Variants in PLD1 observed in about 807,000 individuals in gnomAD.
The protein encoded by PLD1 is phospholipase D1, also known as choline phosphatase 1.
In PLD1, 112 loss-of-function variants were observed where a neutral mutation model predicts 137.1. The ratio of observed to expected loss-of-function variants is 0.82; its 90% confidence interval spans 0.70 to 0.96. The LOEUF (loss-of-function observed/expected upper bound fraction) is 0.96, where lower values mean the gene tolerates loss of function less well. Ranked by LOEUF, PLD1 falls within the 40% of genes least tolerant of loss-of-function variation. PLD1 has a pLI of 0.00. For synonymous variants in PLD1, 431 were observed against 454.7 expected (o/e 0.95, Z 0.66); for missense variants, 1,321 against 1,342.0 (o/e 0.98, Z 0.24).
intron 1 of PLD1, among the ~76,000 whole-genome samples, chr3:171,804,917 G>A (rs370120242): frequency 7.9e-5 from 12 of 152,300 alleles, no homozygotes; most frequent in African/African-American, 2.9e-4. Flanking sequence ...CTCTGCCAAT[G>A]CCTCGTCTCT....
chr3:171,639,516 TA>T (rs532748606), intron 23 of PLD1, among the ~76,000 whole-genome samples: 1,264 of 92,844 alleles, frequency 0.014, 10 homozygotes, highest in Non-Finnish European at 0.019. Context: ...ATAAATAATA[TA>T]TATTCATATA....
chr3:171,732,316 C>G (rs1719003907), intron 6 of PLD1, among the ~76,000 whole-genome samples: 1 of 152,200 alleles, frequency 6.6e-6, no homozygotes, highest in Admixed American at 6.5e-5. Context: ...AACCCAAATT[C>G]CTGTTTTCCT....
chr3:171,727,527 T>C (rs1718615254), intron 6 of PLD1, among the ~76,000 whole-genome samples: 2 of 152,194 alleles, frequency 1.3e-5, no homozygotes, highest in Non-Finnish European at 2.9e-5. Flanking sequence ...CCTTAGGCCA[T>C]GTCAATAGCA....
intron 19 of PLD1, among the ~76,000 whole-genome samples, chr3:171,669,832 C>A (rs1166682372): frequency 6.6e-6 from 1 of 152,122 alleles, no homozygotes; most frequent in Non-Finnish European, 1.5e-5. Context: ...CAGATACTGT[C>A]ATTTATGTTT....
intron 6 of PLD1, among the ~76,000 whole-genome samples, chr3:171,729,248 T>C (rs1377969819): frequency 3.3e-5 from 5 of 152,196 alleles, no homozygotes; most frequent in Admixed American, 2.6e-4. Context: ...TTGTAAAATA[T>C]GAATACAATT....
At chr3:171,663,256 A>C (rs1711710984) in intron 19 of PLD1, among the ~76,000 whole-genome samples, 1 of 152,066 alleles carries the variant, frequency 6.6e-6, no homozygotes, top group Non-Finnish European at 1.5e-5. Context: ...GCAGACACTC[A>C]CCTGTCCAGG....
At chr3:171,720,293 CAAA>C (rs752618596) in intron 8 of PLD1, among the ~76,000 whole-genome samples, 5 of 67,908 alleles carry the variant, frequency 7.4e-5, no homozygotes, top group African/African-American at 1.8e-4. Context: ...GACCCTGTCT[CAAA>C]AAAAAAAAAA....
Position 171,717,917 on chromosome 3 carries a change from T to C in PLD1, c.759-3872A>G, listed in dbSNP as rs145750392. Among the ~76,000 whole-genome samples the C allele has an allele frequency of 4.5e-3, 682 of 152,356 alleles. 2 individuals are homozygous for C. Among genetic ancestry groups the C allele is most frequent in the African/African-American group, 0.016 (653 of 41,582 alleles). ...GTATGTTCCTTCAATGTGTAGTTTA[T>C]TGAGGGTTGTTAAAATGAAGGATGT... On this transcript the variant is annotated intron_variant, in intron 8 of 26. Coordinates refer to ENST00000351298, the MANE Select transcript of PLD1 (RefSeq NM_002662.5).
intron 25 of PLD1, among the ~76,000 whole-genome samples, chr3:171,607,563 CTG>C (rs1195559542): frequency 3.9e-5 from 6 of 152,024 alleles, no homozygotes; most frequent in Non-Finnish European, 8.8e-5. Flanking sequence ...ATGAAGTACT[CTG>C]GATGTTCTTT....
At position 171,602,257 on chromosome 3, in the gene PLD1, T is replaced by G. The variant is rs1332433207; in HGVS notation, c.*821A>C. The G allele has an allele frequency of 6.6e-6, 1 of 152,254 alleles. No homozygotes were observed. The highest frequency in any genetic ancestry group is 2.4e-5 in the African/African-American group (1 of 41,458). The allele number at this position is 152,254 out of a possible 1,614,324, so 9.4% of individuals were successfully genotyped here. ...ACACCTTGGGGGTTTCCGAAGGCTG[T>G]GTGCTCTCAGTTTTAGCTGGTTGTT... is the stretch of plus-strand genomic sequence containing the variant. On this transcript the variant is annotated 3_prime_UTR_variant, in exon 27 of 27. Coordinates refer to ENST00000351298, the MANE Select transcript of PLD1 (RefSeq NM_002662.5).
chr3:171,628,562 A>G (rs1734348592), intron 23 of PLD1, among the ~76,000 whole-genome samples: 1 of 152,130 alleles, frequency 6.6e-6, no homozygotes, highest in Non-Finnish European at 1.5e-5. Context: ...CAACCAAAAA[A>G]GAGAATTTTA....
At chr3:171,635,962 C>CCTCTTTTTTTTTTTTTTTTTTTTT (rs1735070405) in intron 23 of PLD1, among the ~76,000 whole-genome samples, 2 of 37,104 alleles carry the variant, frequency 5.4e-5, no homozygotes, top group Non-Finnish European at 1.2e-4. Context: ...AGGGGTTCAA[C>CCTCTTTTTTTTTTTTTTTTTTTTT]TTCTTTTTTT....
At chr3:171,802,402 G>A (rs182299469) in intron 1 of PLD1, among the ~76,000 whole-genome samples, 12 of 152,256 alleles carry the variant, frequency 7.9e-5, no homozygotes, top group African/African-American at 2.9e-4. Context: ...TCAATGGTCA[G>A]GGAAAAAACC....
At chr3:171,804,206 G>GCTAC (rs1198843638) in intron 1 of PLD1, among the ~76,000 whole-genome samples, 1 of 152,004 alleles carries the variant, frequency 6.6e-6, no homozygotes, top group African/African-American at 2.4e-5. Flanking sequence ...CCAACCCATG[G>GCTAC]CTACCTACTC....
intron 19 of PLD1, among the ~76,000 whole-genome samples, chr3:171,664,623 A>AT (rs11299225): frequency 2.6e-5 from 4 of 151,054 alleles, no homozygotes; most frequent in Admixed American, 1.3e-4. Flanking sequence ...ATGCCCAGCT[A>AT]TTTTTTTTTA....
intron 1 of PLD1, among the ~76,000 whole-genome samples, chr3:171,807,473 A>C (rs1025823234): frequency 6.6e-6 from 1 of 152,222 alleles, no homozygotes; most frequent in Non-Finnish European, 1.5e-5. Flanking sequence ...AACGATGTGA[A>C]TGTATTTAAT....
At position 171,786,112 on chromosome 3, in the gene PLD1, C is replaced by A. The variant is rs560417186; in HGVS notation, c.-32+24287G>T. 2.6e-5 allele frequency among the ~76,000 whole-genome samples: 4 copies of A among 152,304 alleles called. No individual in the cohort carries two copies. In the South Asian group the frequency reaches 8.3e-4, roughly 32 times the overall value. ...GCCATCAGGCTCCCTTTATTCTGCT[C>A]AGCAGAATAAAGCAATCTTGTCACC... is the stretch of plus-strand genomic sequence containing the variant. On this transcript the variant is annotated intron_variant, in intron 1 of 26. Coordinates refer to ENST00000351298, the MANE Select transcript of PLD1 (RefSeq NM_002662.5).
At chr3:171,705,820 A>C (rs1237604232) in intron 11 of PLD1, among the ~76,000 whole-genome samples, 1 of 152,226 alleles carries the variant, frequency 6.6e-6, no homozygotes. Context: ...GTGGTAAATT[A>C]AATCTATCTT....
At chr3:171,627,846 G>T (rs1041382638) in intron 23 of PLD1, among the ~76,000 whole-genome samples, 1 of 152,058 alleles carries the variant, frequency 6.6e-6, no homozygotes, top group Non-Finnish European at 1.5e-5. Flanking sequence ...GAATCTCTGG[G>T]ACACATTCAA....
Sources: gnomAD v4.1 joint callset for allele counts (sites outside exome capture counted in the v4.1 genomes callset) on GRCh38, gnomAD v4.1.1 for gene constraint, MANE v1.5 for transcripts, NCBI Gene and HGNC (gene_info 2026-07-23, HGNC 2026-07-21) for gene names.